The following TBC1D9 variants were observed in gnomAD, a reference collection of about 807,000 sequenced individuals.
TBC1D9 encodes TBC1 domain family member 9A.
Under a neutral mutation model 132.0 loss-of-function variants are expected in TBC1D9, and 63 were observed. That is an observed-to-expected ratio of 0.48 (90% CI 0.39 to 0.59). TBC1D9 has a LOEUF of 0.59. TBC1D9 is among the 20% of genes least tolerant of loss of function. TBC1D9 has a pLI of 0.00. For missense variants in TBC1D9, 1,261 were observed against 1,592.7 expected, an observed-to-expected ratio of 0.79 and a Z score of 3.54; for synonymous variants, 610 against 609.9, an observed-to-expected ratio of 1.00 and a Z score of 0.00.
At chr4:140,736,344 C>G (rs1002561376) in intron 1 of TBC1D9, among the ~76,000 whole-genome samples, 1 of 152,126 alleles carries the variant, frequency 6.6e-6, no homozygotes, top group African/African-American at 2.4e-5. Flanking sequence ...AGTTTGAGAC[C>G]AGCCTGGCCA....
chr4:140,721,219 A>C (rs1240796333), intron 1 of TBC1D9, among the ~76,000 whole-genome samples: 1 of 152,176 alleles, frequency 6.6e-6, no homozygotes, highest in African/African-American at 2.4e-5. Context: ...AGTGAAACTA[A>C]AATGTACTAG....
chr4:140,753,226 T>C (rs1242400101), intron 1 of TBC1D9, among the ~76,000 whole-genome samples: 1 of 151,994 alleles, frequency 6.6e-6, no homozygotes, highest in East Asian at 1.9e-4. Context: ...CCCAAGAAAC[T>C]ACATTACCAG....
chr4:140,733,956 TCTTC>T (rs1046667518), intron 1 of TBC1D9, among the ~76,000 whole-genome samples: 1 of 152,028 alleles, frequency 6.6e-6, no homozygotes, highest in East Asian at 1.9e-4. Flanking sequence ...CCTCTTCCTT[TCTTC>T]CTTCCTTCCT....
At chr4:140,657,249 G>A in intron 12 of TBC1D9, 23 bp from the exon 13 acceptor site, 1 of 1,608,994 alleles carries the variant, frequency 6.2e-7, no homozygotes, top group Non-Finnish European at 8.5e-7. Flanking sequence ...TGCATCAGAA[G>A]TCACAGGAGA....
Position 140,669,663 on chromosome 4 carries a change from G to A in TBC1D9, c.1408C>T (p.Arg470Trp), listed in dbSNP as rs763242846. Residue 470 changes from arginine (R) to tryptophan (W), a missense_variant, in exon 8 of 21, where the codon CGG becomes TGG. Around this residue, in one of 3 missense-constraint regions of TBC1D9, gnomAD observed 550 missense variants for 699.0 expected, o/e 0.79. Transcript: ENST00000442267. ...TQTLMTMYRR[R>W]SPEEFNPKLA... ...TTCGGGTTGAACTCCTCGGGAGACCGCCGCCGATACATGGTCATCAGGGTC... is the reference window on the plus strand; with the variant it reads ...TTCGGGTTGAACTCCTCGGGAGACCACCGCCGATACATGGTCATCAGGGTC... The A allele has an allele frequency of 4.3e-6, 7 of 1,612,740 alleles. No individual in the cohort carries two copies. The highest frequency in any genetic ancestry group is 2.2e-5 in the East Asian group (1 of 44,842).
chr4:140,644,244 T>C, intron 13 of TBC1D9: 1 of 312,310 alleles, frequency 3.2e-6, no homozygotes, highest in Non-Finnish European at 6.3e-6. Context: ...CTTATCCAAC[T>C]CCAAGTCCTT....
chr4:140,726,244 G>A (rs554866091), intron 1 of TBC1D9, among the ~76,000 whole-genome samples: 47 of 151,928 alleles, frequency 3.1e-4, no homozygotes, highest in African/African-American at 9.9e-4. Flanking sequence ...AGCCAAGACT[G>A]CACCACTGAA....
At chr4:140,661,190 G>A (rs572738033) in intron 10 of TBC1D9, among the ~76,000 whole-genome samples, 15 of 152,204 alleles carry the variant, frequency 9.9e-5, no homozygotes, top group African/African-American at 2.4e-4. Context: ...TTGGGATTAC[G>A]GGCGTGAGCC....
At chr4:140,684,872 AG>A (rs59483945) in intron 3 of TBC1D9, among the ~76,000 whole-genome samples, 54,358 of 151,530 alleles carry the variant, frequency 0.36, 11,639 homozygotes, top group South Asian at 0.47. Context: ...AGGACAAAGG[AG>A]GCAATTTGTA....
chr4:140,679,796 A>G lies in TBC1D9; in HGVS notation c.408T>C (p.Asp136=). 2.5e-6 allele frequency: 4 copies of G among 1,613,778 alleles called. No individual in the cohort carries two copies. The highest frequency in any genetic ancestry group is 3.4e-6 in the Non-Finnish European group (4 of 1,179,816). ...YNKINDVKED[D]DTEKFKEAIV... ...TGGCTTCTTTAAACTTCTCCGTGTC[A>G]TCATCTTCCTTTACATCATTGATTT... The change falls in exon 4 of 21, where the codon GAT becomes GAC. Residue 136 remains aspartate (D), a synonymous_variant. Transcript: ENST00000442267.
At chr4:140,639,032 T>C (rs1250735390) in intron 15 of TBC1D9, 54 bp downstream of exon 15, 1 of 1,270,298 alleles carries the variant, frequency 7.9e-7, no homozygotes, top group Non-Finnish European at 1.1e-6. Context: ...ACTGAATTAT[T>C]AAGGTGAACT....
chr4:140,668,497 T>G (rs1224138038), intron 9 of TBC1D9, among the ~76,000 whole-genome samples: 4 of 152,198 alleles, frequency 2.6e-5, no homozygotes, highest in African/African-American at 9.7e-5. Context: ...TTCCTCTTAT[T>G]TCTTTCCTCC....
chr4:140,685,805 T>A lies in TBC1D9; in HGVS notation c.360+539A>T, dbSNP rs114680476. 9.1e-3 allele frequency among the ~76,000 whole-genome samples: 1,378 copies of A among 152,184 alleles called. 23 individuals are homozygous for A. Among genetic ancestry groups the A allele is most frequent in the African/African-American group, 0.031 (1,277 of 41,524 alleles). ...AAAACTTGGTCACATGGAGACAGAG[T>A]AGAATGATAGATTCCAGAGGTTCAG... On this transcript the variant is annotated intron_variant, in intron 3 of 20. Coordinates refer to ENST00000442267, the MANE Select transcript of TBC1D9 (RefSeq NM_015130.3).
At chr4:140,709,244 T>TCACACACACA (rs1446149939) in intron 1 of TBC1D9, among the ~76,000 whole-genome samples, 36 of 107,324 alleles carry the variant, frequency 3.4e-4, no homozygotes, top group African/African-American at 1.5e-3. Flanking sequence ...TCTCTCTCTC[T>TCACACACACA]CTCTCACACA....
rs1006015580 is a variant in TBC1D9, at chr4:140,622,477, G to C, written c.3519C>G (p.His1173Gln). Residue 1173 changes from histidine (H) to glutamine (Q), a missense_variant, in exon 21 of 21, where the codon CAC (histidine) becomes CAG (glutamine). His to Gln is a conservative substitution (Grantham distance 24). This residue lies in a region of TBC1D9 where 618 missense variants were observed against 724.4 expected (regional missense o/e 0.85). Coordinates refer to ENST00000442267, the MANE Select transcript of TBC1D9 (RefSeq NM_015130.3). ...SSYSVLSAGSHEEDKLHCEDI... is the reference protein window; with the variant it reads ...SSYSVLSAGSQEEDKLHCEDI... Reference sequence around the variant, plus strand: ...CCTCGCAGTGCAGCTTGTCCTCCTCGTGGGAGCCGGCACTCAGCACCGAGT... The same window carrying C: ...CCTCGCAGTGCAGCTTGTCCTCCTCCTGGGAGCCGGCACTCAGCACCGAGT... The C allele has an allele frequency of 3.7e-6, 6 of 1,613,912 alleles. No homozygotes were observed. In the African/African-American group the frequency reaches 8.0e-5, roughly 22 times the overall value.
At chr4:140,749,767 T>C (rs778343067) in intron 1 of TBC1D9, among the ~76,000 whole-genome samples, 10 of 152,050 alleles carry the variant, frequency 6.6e-5, no homozygotes, top group Non-Finnish European at 1.5e-4. Flanking sequence ...GAGTTGAAAG[T>C]GAAAGTATGA....
intron 13 of TBC1D9, among the ~76,000 whole-genome samples, chr4:140,640,272 A>G (rs1158882638): frequency 6.6e-6 from 1 of 151,978 alleles, no homozygotes; most frequent in Non-Finnish European, 1.5e-5. Context: ...AAGGGGCAAC[A>G]GGGGGAAGAA....
At position 140,683,802 on chromosome 4, in the gene TBC1D9, G is replaced by A. The variant is rs78274923; in HGVS notation, c.360+2542C>T. ...ATTCTAACTGACAATATCTACTAAG[G>A]TCTATTAAAAATACTTAAACTACTT... is the stretch of plus-strand genomic sequence containing the variant. On this transcript the variant is annotated intron_variant, in intron 3 of 20. Transcript: ENST00000442267. Among the ~76,000 whole-genome samples, 1,471 of 152,292 alleles carry A rather than the reference G, an allele frequency of 9.7e-3. 31 individuals carry two copies. Among genetic ancestry groups the A allele is most frequent in the African/African-American group, 0.034 (1,414 of 41,574 alleles).
intron 13 of TBC1D9, 84 bp downstream of exon 13, chr4:140,657,010 GTAT>G (rs1385807626): frequency 4.1e-6 from 6 of 1,457,216 alleles, no homozygotes; most frequent in African/African-American, 1.4e-5. Context: ...CCAGTCTGTG[GTAT>G]TCTGTTATAG....
Sources: gnomAD v4.1 joint callset for allele counts (sites outside exome capture counted in the v4.1 genomes callset) on GRCh38, gnomAD v4.1.1 for gene constraint, gnomAD v4.1.1 regional missense constraint, MANE v1.5 for transcripts, NCBI Gene and HGNC (gene_info 2026-07-23, HGNC 2026-07-21) for gene names.